The following OGFR variants were observed in gnomAD, a reference collection of about 807,000 sequenced individuals.
The protein encoded by OGFR is protein 7-60.
In OGFR, 18 loss-of-function variants were observed where a neutral mutation model predicts 33.6. That is an observed-to-expected ratio of 0.54 (90% CI 0.37 to 0.80). The LOEUF (loss-of-function observed/expected upper bound fraction) is 0.80. Among genes scored for constraint, OGFR ranks in the 30% least tolerant of loss-of-function variants. The probability of loss-of-function intolerance (pLI) is 0.00; values close to 1 mark genes in which losing one functional copy is unlikely to be tolerated. For missense variants in OGFR, 877 were observed against 955.8 expected (o/e 0.92, Z 1.09); for synonymous variants, 370 against 400.7 (o/e 0.92, Z 0.91).
Position 62,811,626 on chromosome 20 carries a change from T to TTGCCCCCC in OGFR, c.614+16_614+17insTGCCCCCC. ...ACCTGAACTGGTGAGGCCCGGCTGC[T>TTGCCCCCC]CCCGCCCACCCCCACCCCGGCGCAG... On this transcript the variant is annotated intron_variant, in intron 6 of 6. Transcript: ENST00000290291. 4.7e-6 allele frequency: 7 copies of TTGCCCCCC among 1,502,466 alleles called. No individual in the cohort carries two copies. Among genetic ancestry groups the TTGCCCCCC allele is most frequent in the Non-Finnish European group, 5.4e-6 (6 of 1,110,064 alleles). The allele number at this position is 1,502,466 out of a possible 1,614,324, so 93.1% of individuals were successfully genotyped here.
chr20:62,808,360 C>A (rs759978233), intron 3 of OGFR, 35 bp downstream of exon 3: 4 of 1,506,050 alleles, frequency 2.7e-6, no homozygotes, highest in Non-Finnish European at 3.7e-6. Context: ...GCCGGCGCTT[C>A]CATCCTTGCC....
chr20:62,808,252 G>A lies in OGFR; in HGVS notation c.246G>A (p.Leu82=), dbSNP rs1990641674. 15 of 1,612,554 alleles carry A rather than the reference G, an allele frequency of 9.3e-6. No homozygotes were observed. Among genetic ancestry groups the A allele is most frequent in the Non-Finnish European group, 1.3e-5 (15 of 1,179,074 alleles). The change falls in exon 3 of 7, where the codon CTG becomes CTA. Residue 82 remains leucine (L), a synonymous_variant. Transcript: ENST00000290291. ...MCRYRHNYPD[L]VERDCNGDTP... ...CCCTTTCTCTGGCTCTTCAGGATCT[G>A]GTGGAACGAGACTGCAATGGGGACA...
intron 1 of OGFR, chr20:62,805,452 G>C (rs1041483885): frequency 1.3e-5 from 2 of 153,574 alleles, no homozygotes; most frequent in African/African-American, 4.8e-5. Flanking sequence ...TGGCCTGGGA[G>C]GCTTCGCGTC....
chr20:62,812,221 C>G lies in OGFR; in HGVS notation c.615-9C>G, dbSNP rs1990743410. The G allele has an allele frequency of 6.7e-7, 1 of 1,488,086 alleles. No homozygotes were observed. Among genetic ancestry groups the G allele is most frequent in the Non-Finnish European group, 9.0e-7 (1 of 1,114,884 alleles). 92.2% of individuals were successfully genotyped at this position (1,488,086 alleles called of 1,614,324 possible). A position where few individuals can be genotyped will look rare whatever the true frequency, so the allele number is the denominator to read the frequency against. On this transcript the variant is annotated splice_polypyrimidine_tract_variant and intron_variant, in intron 6 of 6. Transcript: ENST00000290291. ...GCCATTGACCTCTCCTGACCCGGAT[C>G]TCTCGCAGGCGCAGCCACAACAACC...
In OGFR at chr20:62,812,406, G is replaced by A. The variant is rs754513274; in HGVS notation, c.791G>A (p.Arg264Gln). 138 of 1,583,418 alleles carry A rather than the reference G, an allele frequency of 8.7e-5. No homozygotes were observed. Among genetic ancestry groups the A allele is most frequent in the Middle Eastern group, 1.8e-4 (1 of 5,458 alleles). ...LDYFMFAVRC[R>Q]HQRRQLVHFA... Reference sequence around the variant, plus strand: ...TACTTCATGTTCGCCGTGCGCTGCCGACACCAGCGCCGCCAGCTGGTGCAC... The same window carrying A: ...TACTTCATGTTCGCCGTGCGCTGCCAACACCAGCGCCGCCAGCTGGTGCAC... Residue 264 changes from arginine to glutamine, a missense_variant, in exon 7 of 7, where the codon CGA becomes CAA. Physicochemically the swap from Arg to Gln is conservative, Grantham distance 43. Coordinates refer to ENST00000290291, the MANE Select transcript of OGFR (RefSeq NM_007346.4).
chr20:62,807,016 A>C (rs1990610467), intron 1 of OGFR: 1 of 164,972 alleles, frequency 6.1e-6, no homozygotes, highest in Non-Finnish European at 1.3e-5. Context: ...GCATTCATTC[A>C]TTAGACCCTG....
At position 62,813,699 on chromosome 20, in the gene OGFR, G is replaced by T. The variant is rs562979621; in HGVS notation, c.*50G>T. ...TGGTCCTCCTGTCCCTGCTGCAGGGGCTGGGGCCTCCGGAGCTGCTGCGGG... is the reference window on the plus strand; with the variant it reads ...TGGTCCTCCTGTCCCTGCTGCAGGGTCTGGGGCCTCCGGAGCTGCTGCGGG... On this transcript the variant is annotated 3_prime_UTR_variant, in exon 7 of 7. Transcript: ENST00000290291. 2.0e-4 allele frequency: 319 copies of T among 1,588,992 alleles called. No homozygotes were observed. The East Asian group carries it at 6.3e-3, about 31-fold the overall frequency.
intron 6 of OGFR, among the ~76,000 whole-genome samples, chr20:62,812,017 CT>C (rs1383622735): frequency 1.3e-5 from 2 of 152,342 alleles, no homozygotes; most frequent in African/African-American, 2.4e-5. Flanking sequence ...CAGCATCCCC[CT>C]AACCCCCGTG....
In OGFR at chr20:62,807,679, T is replaced by C. The variant is rs552574017; in HGVS notation, c.240+74T>C. ...TCTTCTCAGGCAGAATGTCCCAGGT[T>C]CTACTGGAAGGCTGGCCTGGCTTGC... On this transcript the variant is annotated intron_variant, in intron 2 of 6. Coordinates refer to ENST00000290291, the MANE Select transcript of OGFR (RefSeq NM_007346.4). The C allele has an allele frequency of 2.0e-5, 29 of 1,485,840 alleles. No individual in the cohort carries two copies. In the South Asian group the frequency reaches 3.3e-4, roughly 17 times the overall value. The allele number at this position is 1,485,840 out of a possible 1,614,324, so 92.0% of individuals were successfully genotyped here.
rs776581976 is a variant in OGFR, at chr20:62,812,953, C to T, written c.1338C>T (p.Pro446=). The change falls in exon 7 of 7, where the codon CCC becomes CCT. Residue 446 remains proline (P), a synonymous_variant. Coordinates refer to ENST00000290291, the MANE Select transcript of OGFR (RefSeq NM_007346.4). ...AGGCAGTGCAGCCCTGCCGCCAACC[C>T]CTGGGAGCCAGGGTGGCCGACAAGG... The part of the protein sequence containing the change: ...PGEAVQPCRQ[P]LGARVADKVR... 2.5e-6 allele frequency: 4 copies of T among 1,612,208 alleles called. No homozygotes were observed. Among genetic ancestry groups the T allele is most frequent in the African/African-American group, 1.3e-5 (1 of 74,914 alleles).
chr20:62,806,978 G>A (rs1014192247), intron 1 of OGFR: 6 of 159,454 alleles, frequency 3.8e-5, no homozygotes, highest in African/African-American at 7.2e-5. Context: ...ACCGTGGCCA[G>A]TGAGGCGTGG....
rs116144456 is a variant in OGFR, at chr20:62,807,609, C to A, written c.240+4C>A. ...TAGGTATCGGCACAACTATCCGGTA[C>A]GTACCTGCCCCTGCCCCGGGACACA... is the stretch of plus-strand genomic sequence containing the variant. On this transcript the variant is annotated splice_donor_region_variant and intron_variant, in intron 2 of 6. Transcript: ENST00000290291. The A allele has an allele frequency of 2.0e-4, 324 of 1,610,618 alleles. No homozygotes were observed. The African/African-American group carries it at 3.9e-3, about 19-fold the overall frequency.
At chr20:62,809,909 A>G (rs1990685604) in intron 4 of OGFR, among the ~76,000 whole-genome samples, 1 of 152,196 alleles carries the variant, frequency 6.6e-6, no homozygotes, top group Non-Finnish European at 1.5e-5. Context: ...GCTGCACACA[A>G]GCTCCCTGAA....
chr20:62,804,981 A>G lies in OGFR; in HGVS notation c.122A>G (p.Glu41Gly). ...GCGAGGGACGCGGACGCAGGGGACGAGGACGAGGAGTCGGAGGAGCCGCGG... is the reference window on the plus strand; with the variant it reads ...GCGAGGGACGCGGACGCAGGGGACGGGGACGAGGAGTCGGAGGAGCCGCGG... ...AGARDADAGD[E>G]DEESEEPRAA... is the part of the protein sequence containing the mutation. The change falls in exon 1 of 7, where the codon GAG becomes GGG. Residue 41 changes from glutamate (E) to glycine (G), a missense_variant. Glu to Gly is a moderately conservative substitution (Grantham distance 98, BLOSUM62 -2). Around this residue, in one of 3 missense-constraint regions of OGFR, gnomAD observed 760 missense variants for 736.0 expected, o/e 1.03. Transcript: ENST00000290291. 6.7e-7 allele frequency: 1 copy of G among 1,483,130 alleles called. No individual in the cohort carries two copies. Among genetic ancestry groups the G allele is most frequent in the Non-Finnish European group, 8.9e-7 (1 of 1,118,432 alleles). 91.9% of individuals were successfully genotyped at this position (1,483,130 alleles called of 1,614,324 possible).
In OGFR at chr20:62,811,624, G is replaced by GCGGGGGCCCCCCCCCC. The variant is rs1990730041; in HGVS notation, c.614+15_614+16insGGGGGCCCCCCCCCCC. 6.4e-7 allele frequency: 1 copy of GCGGGGGCCCCCCCCCC among 1,551,482 alleles called. No individual in the cohort carries two copies. On this transcript the variant is annotated intron_variant, in intron 6 of 6. Transcript: ENST00000290291. ...GAACCTGAACTGGTGAGGCCCGGCT[G>GCGGGGGCCCCCCCCCC]CTCCCGCCCACCCCCACCCCGGCGC...
intron 5 of OGFR, 94 bp from the exon 6 acceptor site, chr20:62,811,368 G>C: frequency 7.5e-7 from 1 of 1,329,808 alleles, no homozygotes; most frequent in South Asian, 1.3e-5. Context: ...TCTAGTCCAG[G>C]CCTCTGAGTG....
intron 5 of OGFR, 80 bp downstream of exon 5, chr20:62,810,645 C>G: frequency 7.1e-7 from 1 of 1,399,470 alleles, no homozygotes; most frequent in South Asian, 1.2e-5. Context: ...ACGGGGTCGC[C>G]TCTGGCAGTA....
rs1990627109 is a variant in OGFR, at chr20:62,807,617, C to T, written c.240+12C>T. 6.2e-7 allele frequency: 1 copy of T among 1,610,774 alleles called. No individual in the cohort carries two copies. Among genetic ancestry groups the T allele is most frequent in the Non-Finnish European group, 8.5e-7 (1 of 1,178,332 alleles). ...GGCACAACTATCCGGTACGTACCTG[C>T]CCCTGCCCCGGGACACAGAACCCTC... On this transcript the variant is annotated intron_variant, in intron 2 of 6. Transcript: ENST00000290291.
Position 62,812,323 on chromosome 20 carries a change from C to T in OGFR, c.708C>T (p.Phe236=), listed in dbSNP as rs1370969478. The change falls in exon 7 of 7, where the codon TTC becomes TTT. Residue 236 remains phenylalanine (F), a synonymous_variant. Transcript: ENST00000290291. ...EHFQAPLVRF[F]LEETLVRREL... ...TCCAGGCGCCGCTGGTCCGCTTCTT[C>T]CTGGAGGAGACGCTGGTGCGGCGGG... 4 of 1,564,200 alleles carry T rather than the reference C, an allele frequency of 2.6e-6. No homozygotes were observed. The highest frequency in any genetic ancestry group is 3.5e-6 in the Non-Finnish European group (4 of 1,154,878).
Sources: gnomAD v4.1 joint callset for allele counts (sites outside exome capture counted in the v4.1 genomes callset) on GRCh38, gnomAD v4.1.1 for gene constraint, gnomAD v4.1.1 regional missense constraint, MANE v1.5 for transcripts, NCBI Gene and HGNC (gene_info 2026-07-23, HGNC 2026-07-21) for gene names.